The following PTPN3 variants were observed in gnomAD, a reference collection of about 807,000 sequenced individuals.
The protein encoded by PTPN3 is tyrosine-protein phosphatase non-receptor type 3.
PTPN3 carries 96 observed loss-of-function variants against 132.7 expected under a neutral mutation model. The observed-to-expected ratio is 0.72, with a 90% CI of 0.61 to 0.86. PTPN3 has a LOEUF of 0.86. PTPN3 is among the 40% of genes least tolerant of loss of function. The probability of loss-of-function intolerance (pLI) is 0.00; values close to 1 mark genes in which losing one functional copy is unlikely to be tolerated. For missense variants in PTPN3, 1,125 were observed against 1,159.6 expected (o/e 0.97, Z 0.43); for synonymous variants, 398 against 429.0 (o/e 0.93, Z 0.89).
At chr9:109,471,373 T>C (rs1056339629) in intron 1 of PTPN3, among the ~76,000 whole-genome samples, 1 of 152,182 alleles carries the variant, frequency 6.6e-6, no homozygotes, top group African/African-American at 2.4e-5. Context: ...ACACTTTATT[T>C]CCCATGTCTC....
At chr9:109,452,005 C>T (rs1032679300) in intron 5 of PTPN3, among the ~76,000 whole-genome samples, 5 of 152,178 alleles carry the variant, frequency 3.3e-5, no homozygotes, top group African/African-American at 1.2e-4. Flanking sequence ...CACAGAGGCT[C>T]ATGCCTGTAA....
chr9:109,478,342 C>T (rs1351514754), intron 1 of PTPN3, among the ~76,000 whole-genome samples: 4 of 152,208 alleles, frequency 2.6e-5, no homozygotes, highest in South Asian at 2.1e-4. Context: ...ATCCAACATT[C>T]GTCCAGGTAT....
intron 1 of PTPN3, among the ~76,000 whole-genome samples, chr9:109,469,287 A>G (rs1846253635): frequency 6.6e-6 from 1 of 152,248 alleles, no homozygotes; most frequent in Non-Finnish European, 1.5e-5. Context: ...AGAGGAACAC[A>G]TGCAAATGAC....
chr9:109,382,350 T>C lies in PTPN3; in HGVS notation c.2480A>G (p.Tyr827Cys), dbSNP rs778374111. The change falls in exon 24 of 26, where the codon TAT (tyrosine) becomes TGT (cysteine). Residue 827 changes from tyrosine to cysteine, a missense_variant. By Grantham distance (194) the Tyr-to-Cys change is radical. Transcript: ENST00000374541. ...GCTGTCCACTCTCAGAGACCTCACA[T>C]AGTTTACAAATTCCAGAAAGTCGGA... is the stretch of plus-strand genomic sequence containing the variant. ...DSSDFLEFVNYVRSLRVDSEP... is the reference protein window; with the variant it reads ...DSSDFLEFVNCVRSLRVDSEP... The C allele has an allele frequency of 1.9e-6, 3 of 1,613,906 alleles. No homozygotes were observed. Among genetic ancestry groups the C allele is most frequent in the East Asian group, 4.5e-5 (2 of 44,890 alleles).
Position 109,378,245 on chromosome 9 carries a change from T to G in PTPN3, c.*1311A>C, listed in dbSNP as rs1838738029. 1 of 152,318 alleles carries G rather than the reference T, an allele frequency of 6.6e-6. No homozygotes were observed. Among genetic ancestry groups the G allele is most frequent in the East Asian group, 1.9e-4 (1 of 5,208 alleles). 9.4% of individuals were successfully genotyped at this position (152,318 alleles called of 1,614,324 possible). ...GTTCAAAAATACCACATTAAATGTT[T>G]ACACAATTTATTTTCCTTAAATAAT... On this transcript the variant is annotated 3_prime_UTR_variant, in exon 26 of 26. Coordinates refer to ENST00000374541, the MANE Select transcript of PTPN3 (RefSeq NM_002829.4).
rs988989015 is a variant in PTPN3, at chr9:109,433,919, A to T, written c.676-758T>A. 6.8e-3 allele frequency among the ~76,000 whole-genome samples: 407 copies of T among 59,824 alleles called. 11 individuals are homozygous for T. The highest frequency in any genetic ancestry group is 0.037 in the African/African-American group (311 of 8,508). 39.2% of individuals were successfully genotyped at this position (59,824 alleles called of 152,430 possible). A position where few individuals can be genotyped will look rare whatever the true frequency, so the allele number is the denominator to read the frequency against. ...GGCAGCAGAGGGAGACTCTGTTTAA[A>T]AAAAAAAAAAAAAAAAAAAAAAAAG... On this transcript the variant is annotated intron_variant, in intron 9 of 25. Transcript: ENST00000374541.
chr9:109,433,414 A>T (rs1046613783), intron 9 of PTPN3, among the ~76,000 whole-genome samples: 19 of 152,214 alleles, frequency 1.2e-4, no homozygotes, highest in African/African-American at 4.3e-4. Flanking sequence ...TTACCAAATA[A>T]GCCCACTCAT....
chr9:109,449,551 T>C (rs1845106766), intron 5 of PTPN3: 1 of 985,518 alleles, frequency 1.0e-6, no homozygotes, highest in Non-Finnish European at 1.2e-6. Flanking sequence ...GTGACTTTGC[T>C]CCTCTGCCTG....
chr9:109,396,027 A>C (rs1840577299), intron 19 of PTPN3, among the ~76,000 whole-genome samples: 1 of 151,920 alleles, frequency 6.6e-6, no homozygotes, highest in Non-Finnish European at 1.5e-5. Flanking sequence ...ATGCCCAGCT[A>C]ATTTTAGTAT....
At chr9:109,387,565 C>T (rs1246378260) in intron 22 of PTPN3, among the ~76,000 whole-genome samples, 1 of 152,152 alleles carries the variant, frequency 6.6e-6, no homozygotes, top group African/African-American at 2.4e-5. Flanking sequence ...GCAGCCAGTC[C>T]AGGGTAGCTC....
chr9:109,455,008 G>A (rs141216521), intron 4 of PTPN3, among the ~76,000 whole-genome samples: 7 of 152,234 alleles, frequency 4.6e-5, no homozygotes, highest in African/African-American at 1.7e-4. Context: ...AGTGGGCTAC[G>A]CTGCTACTGG....
intron 13 of PTPN3, among the ~76,000 whole-genome samples, chr9:109,422,219 C>T (rs1191678436): frequency 6.6e-6 from 1 of 152,160 alleles, no homozygotes; most frequent in African/African-American, 2.4e-5. Flanking sequence ...CCACCTATTT[C>T]TTTTTAAGCT....
intron 22 of PTPN3, among the ~76,000 whole-genome samples, chr9:109,387,328 G>A (rs1839671959): frequency 6.6e-6 from 1 of 152,218 alleles, no homozygotes; most frequent in Non-Finnish European, 1.5e-5. Flanking sequence ...CGTTGCCTAA[G>A]TGTGCATTTC....
chr9:109,450,277 A>G, intron 5 of PTPN3: 1 of 985,388 alleles, frequency 1.0e-6, no homozygotes, highest in Non-Finnish European at 1.2e-6. Context: ...TTTTCCACCT[A>G]GGAGAACATC....
At chr9:109,535,809 A>T in the PTPN3 span, among the ~76,000 whole-genome samples, 2 of 152,146 alleles carry the variant, frequency 1.3e-5, no homozygotes, top group East Asian at 3.8e-4. Context: ...ACCTGGACAT[A>T]CATTCTCTTT....
intron 2 of PTPN3, among the ~76,000 whole-genome samples, chr9:109,462,233 C>T (rs1038821611): frequency 5.9e-5 from 9 of 152,196 alleles, no homozygotes; most frequent in Non-Finnish European, 1.3e-4. Flanking sequence ...ACGTCTGCAG[C>T]CAAGGCACTG....
chr9:109,483,819 G>A (rs1847079480), intron 1 of PTPN3, among the ~76,000 whole-genome samples: 1 of 152,148 alleles, frequency 6.6e-6, no homozygotes, highest in African/African-American at 2.4e-5. Context: ...ACGTTAAGCT[G>A]TGCGTGTTTT....
At chr9:109,476,339 T>C (rs1012941036) in intron 1 of PTPN3, among the ~76,000 whole-genome samples, 1 of 151,258 alleles carries the variant, frequency 6.6e-6, no homozygotes, top group Non-Finnish European at 1.5e-5. Context: ...ATGAAATGTA[T>C]ATGTTTATCA....
chr9:109,427,270 G>A lies in PTPN3; in HGVS notation c.829-148C>T, dbSNP rs1010363072. The A allele has an allele frequency of 1.3e-5, 10 of 796,928 alleles. No individual in the cohort carries two copies. In the Admixed American group the frequency reaches 1.4e-4, roughly 11 times the overall value. 49.4% of individuals were successfully genotyped at this position (796,928 alleles called of 1,614,324 possible). On this transcript the variant is annotated intron_variant, in intron 11 of 25. Transcript: ENST00000374541. ...TGCCGTGGCCACAAACCAGTGTACC[G>A]GAATATTCAAGAGCACGATTTGTTA...
Sources: allele counts gnomAD v4.1 joint callset (sites outside exome capture counted in the v4.1 genomes callset), GRCh38; gene constraint gnomAD v4.1.1; transcripts MANE v1.5; gene names NCBI Gene and HGNC (gene_info 2026-07-23, HGNC 2026-07-21).